Variants in NUP98 observed in about 807,000 individuals in gnomAD.
The protein encoded by NUP98 is nucleoporin 98 and 96 precursor.
NUP98 carries 26 observed loss-of-function variants against 191.9 expected under a neutral mutation model. The observed-to-expected ratio is 0.14, with a 90% CI of 0.10 to 0.19. The LOEUF (loss-of-function observed/expected upper bound fraction) is 0.19. Among genes scored for constraint, NUP98 ranks in the 10% least tolerant of loss-of-function variants. NUP98 has a pLI of 1.00. For synonymous variants in NUP98, 808 were observed against 778.4 expected (o/e 1.04, Z -0.63); for missense variants, 1,941 against 2,178.8 (o/e 0.89, Z 2.17).
At chr11:3,723,763 A>G (rs1475048790) in intron 15 of NUP98, among the ~76,000 whole-genome samples, 1 of 151,590 alleles carries the variant, frequency 6.6e-6, no homozygotes, top group Non-Finnish European at 1.5e-5. Context: ...TAATAATAAA[A>G]AACACTAGAA....
At chr11:3,706,343 A>G in intron 21 of NUP98, 102 bp downstream of exon 21, 2 of 1,053,942 alleles carry the variant, frequency 1.9e-6, no homozygotes, top group South Asian at 2.9e-5. Context: ...TACAGTGAGC[A>G]CTCAATGATC....
At chr11:3,770,694 T>G (rs1157960523) in intron 7 of NUP98, among the ~76,000 whole-genome samples, 1 of 152,116 alleles carries the variant, frequency 6.6e-6, no homozygotes, top group Non-Finnish European at 1.5e-5. Context: ...TTTAGTTTTC[T>G]GTATTTTGTG....
intron 1 of NUP98, among the ~76,000 whole-genome samples, chr11:3,789,662 T>C (rs1589982126): frequency 6.6e-6 from 1 of 151,934 alleles, no homozygotes; most frequent in Non-Finnish European, 1.5e-5. Flanking sequence ...ACCACAGGCA[T>C]GTGCCACTAT....
rs376924920 is a variant in NUP98, at chr11:3,693,287, A to T, written c.4256T>A (p.Leu1419His). The stretch of plus-strand genomic sequence containing the variant: ...CCTAGAAATGGAGGCTGTTGGTGGA[A>T]GCAAATACCAAAGATGGATAGCCAG... ...RSLAIHLWYL[L>H]PPTASISRAL... Residue 1419 changes from leucine to histidine, a missense_variant, in exon 27 of 33, where the codon CTT becomes CAT. By Grantham distance (99) the Leu-to-His change is moderately conservative. Transcript: ENST00000324932. 2.6e-5 allele frequency: 42 copies of T among 1,614,090 alleles called. No individual in the cohort carries two copies. The highest frequency in any genetic ancestry group is 1.4e-5 in the Non-Finnish European group (17 of 1,180,026).
Position 3,686,084 on chromosome 11 carries a change from T to A in NUP98, c.4565A>T (p.His1522Leu). 2.5e-6 allele frequency: 4 copies of A among 1,614,150 alleles called. No homozygotes were observed. Among genetic ancestry groups the A allele is most frequent in the Non-Finnish European group, 3.4e-6 (4 of 1,180,022 alleles). ...CACACCTTCACACTGCGCTGAGAGA[T>A]GGGTGTAGTTAAGAGCCCTCAGCAC... Reference protein sequence around the residue: ...WEVLRALNYTHLSAQCEGVLQ... With the variant: ...WEVLRALNYTLLSAQCEGVLQ... The change falls in exon 29 of 33, where the codon CAT becomes CTT. Residue 1522 changes from histidine to leucine, a missense_variant. Transcript: ENST00000324932.
chr11:3,725,246 G>C (rs556008021), intron 14 of NUP98, 27 bp from the exon 15 acceptor site: 3 of 1,111,984 alleles, frequency 2.7e-6, no homozygotes, highest in South Asian at 2.6e-5. Flanking sequence ...AAAAGAAGAA[G>C]AAAAAAATTA....
chr11:3,732,321 A>C (rs1225575936), intron 13 of NUP98, among the ~76,000 whole-genome samples: 1 of 152,234 alleles, frequency 6.6e-6, no homozygotes, highest in Non-Finnish European at 1.5e-5. Context: ...ATATTAATAT[A>C]TCTTGTCCAT....
In NUP98 at chr11:3,735,330, A is replaced by T. The variant is rs759539864; in HGVS notation, c.1409-6T>A. Reference sequence around the variant, plus strand: ...AGCATTTGGATCTGTCAAAGCTTTTAAAAAAAAAAAAAGAAAACAAAATAT... The same window carrying T: ...AGCATTTGGATCTGTCAAAGCTTTTTAAAAAAAAAAAAGAAAACAAAATAT... On this transcript the variant is annotated splice_region_variant and splice_polypyrimidine_tract_variant and intron_variant, in intron 12 of 32. Transcript: ENST00000324932. 3.7e-4 allele frequency: 229 copies of T among 615,322 alleles called. No individual in the cohort carries two copies. The highest frequency in any genetic ancestry group is 6.4e-4 in the Middle Eastern group (1 of 1,570). 38.1% of individuals were successfully genotyped at this position (615,322 alleles called of 1,614,324 possible).
At chr11:3,721,636 A>G (rs545205518) in intron 16 of NUP98, among the ~76,000 whole-genome samples, 21 of 151,972 alleles carry the variant, frequency 1.4e-4, no homozygotes, top group Non-Finnish European at 2.1e-4. Context: ...GAGGCAGAGG[A>G]TGCAGTGAGC....
At position 3,778,998 on chromosome 11, in the gene NUP98, G is replaced by A; in HGVS notation, c.230C>T (p.Thr77Ile). The A allele has an allele frequency of 2.5e-6, 4 of 1,614,218 alleles. No individual in the cohort carries two copies. Among genetic ancestry groups the A allele is most frequent in the Non-Finnish European group, 3.4e-6 (4 of 1,180,046 alleles). Residue 77 changes from threonine to isoleucine, a missense_variant, in exon 4 of 33, where the codon ACT becomes ATT. Coordinates refer to ENST00000324932, the MANE Select transcript of NUP98 (RefSeq NM_016320.5). ...TGTTGACGTACCAAACCCAAAGCCAGTGCTTGTGGAGGTAGCTGGCTGGCT... is the reference window on the plus strand; with the variant it reads ...TGTTGACGTACCAAACCCAAAGCCAATGCTTGTGGAGGTAGCTGGCTGGCT... ...SFSQPATSTS[T>I]GFGFGTSTGT... is the part of the protein sequence containing the mutation.
Position 3,676,639 on chromosome 11 carries a change from G to A in NUP98, c.5074-19C>T. The A allele has an allele frequency of 6.3e-7, 1 of 1,584,388 alleles. No homozygotes were observed. Among genetic ancestry groups the A allele is most frequent in the Non-Finnish European group, 8.7e-7 (1 of 1,153,308 alleles). The stretch of plus-strand genomic sequence containing the variant: ...AATCCACCTACAAAGAAGCAGAGAA[G>A]CCAATTAATCCAAGGGGAGTTCCTA... On this transcript the variant is annotated intron_variant, in intron 31 of 32. Coordinates refer to ENST00000324932, the MANE Select transcript of NUP98 (RefSeq NM_016320.5).
At chr11:3,763,776 G>T (rs1388359935) in intron 8 of NUP98, among the ~76,000 whole-genome samples, 1 of 152,098 alleles carries the variant, frequency 6.6e-6, no homozygotes, top group East Asian at 1.9e-4. Context: ...ACGAACTCCT[G>T]ACCTCAGGGG....
rs144936005 is a variant in NUP98 at position 3,746,294 on chromosome 11, A to AAAAAAAAAAAG, written c.1268-1646_1268-1645insCTTTTTTTTTT. On this transcript the variant is annotated intron_variant, in intron 11 of 32. Transcript: ENST00000324932. Reference sequence around the variant, plus strand: ...CAAAAAAAAAAAAAAAAAAAAAAAAAGACAGCTTTGGGACAAAGAATAAGA... The same window carrying AAAAAAAAAAAG: ...CAAAAAAAAAAAAAAAAAAAAAAAAAAAAAAAAAAAGGACAGCTTTGGGACAAAGAATAAGA... Among the ~76,000 whole-genome samples the AAAAAAAAAAAG allele has an allele frequency of 1.1e-3, 104 of 93,036 alleles. 16 individuals carry two copies. The highest frequency in any genetic ancestry group is 2.1e-3 in the African/African-American group (42 of 19,954). The allele number at this position is 93,036 out of a possible 152,430, so 61.0% of individuals were successfully genotyped here.
chr11:3,702,844 G>A lies in NUP98; in HGVS notation c.3131C>T (p.Pro1044Leu), dbSNP rs1284622136. Reference sequence around the variant, plus strand: ...ACGACATTCTTGCACAGAGACACTTGGTGAAAGAAAAGCTCCACTTGTAAA... The same window carrying A: ...ACGACATTCTTGCACAGAGACACTTAGTGAAAGAAAAGCTCCACTTGTAAA... ...SKFTSGAFLSPSVSVQECRTP... is the reference protein window; with the variant it reads ...SKFTSGAFLSLSVSVQECRTP... The change falls in exon 23 of 33, where the codon CCA becomes CTA. Residue 1044 changes from proline to leucine, a missense_variant. By Grantham distance (98) the Pro-to-Leu change is moderately conservative. Transcript: ENST00000324932. 1.2e-6 allele frequency: 2 copies of A among 1,613,516 alleles called. No individual in the cohort carries two copies. The highest frequency in any genetic ancestry group is 8.5e-7 in the Non-Finnish European group (1 of 1,179,702).
intron 1 of NUP98, among the ~76,000 whole-genome samples, chr11:3,788,408 G>A (rs2082214170): frequency 6.6e-6 from 1 of 152,064 alleles, no homozygotes; most frequent in African/African-American, 2.4e-5. Context: ...TTCGAGCCCA[G>A]CCTGGCCTAC....
chr11:3,705,089 G>T, intron 22 of NUP98, 111 bp downstream of exon 22: 1 of 958,536 alleles, frequency 1.0e-6, no homozygotes, highest in Non-Finnish European at 1.6e-6. Context: ...AGGTATAGTT[G>T]TTTGGCAGAT....
intron 10 of NUP98, among the ~76,000 whole-genome samples, chr11:3,754,704 GGC>G (rs1236776149): frequency 6.6e-6 from 1 of 152,086 alleles, no homozygotes; most frequent in African/African-American, 2.4e-5. Flanking sequence ...CACTCTGGGA[GGC>G]CAAGGTGGGC....
rs2079996591 is a variant in NUP98, at chr11:3,735,117, C to G, written c.1542+74G>C. On this transcript the variant is annotated intron_variant, in intron 13 of 32. Coordinates refer to ENST00000324932, the MANE Select transcript of NUP98 (RefSeq NM_016320.5). The stretch of plus-strand genomic sequence containing the variant: ...TGCTTAATCCCTTAATATATACAGG[C>G]AAAAAATTACATTCTGCACATTCAG... 6.5e-6 allele frequency: 9 copies of G among 1,386,168 alleles called. No homozygotes were observed. The South Asian group carries it at 8.3e-5, about 13-fold the overall frequency. The allele number at this position is 1,386,168 out of a possible 1,614,324, so 85.9% of individuals were successfully genotyped here.
intron 6 of NUP98, among the ~76,000 whole-genome samples, chr11:3,772,501 A>G (rs1044904767): frequency 6.6e-6 from 1 of 152,162 alleles, no homozygotes; most frequent in Non-Finnish European, 1.5e-5. Flanking sequence ...GACTATCTCA[A>G]TGTTCAAAGA....
Sources: allele counts gnomAD v4.1 joint callset (sites outside exome capture counted in the v4.1 genomes callset), GRCh38; gene constraint gnomAD v4.1.1; transcripts MANE v1.5; gene names NCBI Gene and HGNC (gene_info 2026-07-23, HGNC 2026-07-21).